GGA3: variants seen among roughly 807,000 people sequenced by gnomAD.
The protein encoded by GGA3 is golgi associated, gamma adaptin ear containing, ARF binding protein 3, also known as ADP-ribosylation factor-binding protein GGA3.
Under a neutral mutation model 77.5 loss-of-function variants are expected in GGA3, and 57 were observed. That is an observed-to-expected ratio of 0.74 (90% CI 0.59 to 0.92). The LOEUF is 0.92. Ranked by LOEUF, GGA3 falls within the 40% of genes least tolerant of loss-of-function variation. The probability of loss-of-function intolerance (pLI) is 0.00; values close to 1 mark genes in which losing one functional copy is unlikely to be tolerated. For missense variants in GGA3, 970 were observed against 914.9 expected, an observed-to-expected ratio of 1.06 and a Z score of -0.78; for synonymous variants, 416 against 383.7, an observed-to-expected ratio of 1.08 and a Z score of -0.98.
At chr17:75,242,527 A>G in intron 7 of GGA3, 54 bp from the exon 8 acceptor site, 1 of 1,605,966 alleles carries the variant, frequency 6.2e-7, no homozygotes, top group Admixed American at 1.7e-5. Flanking sequence ...CTGTCTTTCC[A>G]CTTCCACCAG....
upstream of GGA3, chr17:75,262,151 A>G: frequency 2.5e-6 from 2 of 800,292 alleles, no homozygotes; most frequent in Non-Finnish European, 3.9e-6. Context: ...TTTAGTGACT[A>G]CCTCTCGCCT....
chr17:75,262,306 CTT>C, upstream of GGA3: 1 of 713,562 alleles, frequency 1.4e-6, no homozygotes, highest in South Asian at 1.8e-5. Flanking sequence ...CAGGAGGAGA[CTT>C]TACCCGCCTG....
chr17:75,261,788 T>C (rs548038094), upstream of GGA3: 51 of 1,236,262 alleles, frequency 4.1e-5, no homozygotes, highest in African/African-American at 6.9e-4. Context: ...AACGTCCAGA[T>C]CAGTGGAGAG....
Position 75,240,043 on chromosome 17 carries a change from A to G in GGA3, c.1329T>C (p.Asp443=), listed in dbSNP as rs28641831. 48,001 of 1,551,788 alleles carry G rather than the reference A, an allele frequency of 0.031. 6,934 individuals are homozygous for G. The African/African-American group carries it at 0.4, about 13-fold the overall frequency. The change falls in exon 13 of 17, where the codon GAT becomes GAC. Residue 443 remains aspartate (D), a synonymous_variant. Transcript: ENST00000537686. ...RPGTAACGAS[D]APLLQPSAPS... ...GGGCTGAGGGCTGGAGCAGAGGAGC[A>G]TCGGAGGCGCCACAGGCAGCGGTCC...
intron 3 of GGA3, 29 bp from the exon 4 acceptor site, chr17:75,244,746 G>C: frequency 2.0e-6 from 3 of 1,515,326 alleles, no homozygotes; most frequent in Non-Finnish European, 2.8e-6. Flanking sequence ...GAGGCGCTCA[G>C]TGAGGGCGTG....
intron 1 of GGA3, among the ~76,000 whole-genome samples, chr17:75,255,146 A>G (rs2077099816): frequency 6.6e-6 from 1 of 152,040 alleles, no homozygotes; most frequent in Non-Finnish European, 1.5e-5. Context: ...TTCTTAATCA[A>G]TACGGAGGCT....
Position 75,239,925 on chromosome 17 carries a change from A to C in GGA3, c.1447T>G (p.Leu483Val). The C allele has an allele frequency of 6.2e-7, 1 of 1,607,042 alleles. No individual in the cohort carries two copies. Among genetic ancestry groups the C allele is most frequent in the Non-Finnish European group, 8.5e-7 (1 of 1,176,958 alleles). ...SVPAPSAGSS[L>V]FSTGVAPALA... ...GCTGGGGCCACTCCAGTAGAAAACA[A>C]GGAGGAGCCCGCACTGGGGGCAGGA... The change falls in exon 13 of 17, where the codon TTG (leucine) becomes GTG (valine). Residue 483 changes from leucine to valine, a missense_variant. Leu to Val is a conservative substitution (Grantham distance 32). Transcript: ENST00000537686.
intron 4 of GGA3, 32 bp downstream of exon 4, chr17:75,244,587 C>G: frequency 7.5e-7 from 1 of 1,331,654 alleles, no homozygotes; most frequent in Non-Finnish European, 1.1e-6. Context: ...CAAAAGAAGT[C>G]CCTAAAAGCG....
intron 1 of GGA3, among the ~76,000 whole-genome samples, chr17:75,247,284 T>C (rs1479379823): frequency 6.6e-6 from 1 of 151,290 alleles, no homozygotes; most frequent in Non-Finnish European, 1.5e-5. Flanking sequence ...TTTTTTGACA[T>C]GGAGTCTCGC....
In GGA3 at chr17:75,237,077, A is replaced by ATT; in HGVS notation, c.*1200_*1201dup. On this transcript the variant is annotated 3_prime_UTR_variant, in exon 17 of 17. Transcript: ENST00000537686. ...TCCCCCGTGTCTATGGCAGCTGGTG[A>ATT]TTTTTTTTTTGTGACGGAGGCTTGG... 2.7e-5 allele frequency: 6 copies of ATT among 221,126 alleles called. No homozygotes were observed. The highest frequency in any genetic ancestry group is 1.0e-4 in the East Asian group (1 of 9,862). The allele number at this position is 221,126 out of a possible 1,614,324, so 13.7% of individuals were successfully genotyped here. A position where few individuals can be genotyped will look rare whatever the true frequency, so the allele number is the denominator to read the frequency against.
rs2145464649 is a variant in GGA3, at chr17:75,237,842, T to C, written c.*437A>G. ...GGAATTGCAACAGGGCTGCAGCCCCTTGGGCCGTGCATCTGTCAGGTGTGA... is the reference window on the plus strand; with the variant it reads ...GGAATTGCAACAGGGCTGCAGCCCCCTGGGCCGTGCATCTGTCAGGTGTGA... On this transcript the variant is annotated 3_prime_UTR_variant, in exon 17 of 17. Coordinates refer to ENST00000537686, the MANE Select transcript of GGA3 (RefSeq NM_138619.4). 7.1e-7 allele frequency: 1 copy of C among 1,415,490 alleles called. No homozygotes were observed. Among genetic ancestry groups the C allele is most frequent in the African/African-American group, 1.4e-5 (1 of 69,486 alleles). 87.7% of individuals were successfully genotyped at this position (1,415,490 alleles called of 1,614,324 possible).
rs372653160 is a variant in GGA3, at chr17:75,242,464, G to A, written c.619C>T (p.Arg207Trp). The change falls in exon 8 of 17, where the codon CGG (arginine) becomes TGG (tryptophan). Residue 207 changes from arginine (R) to tryptophan (W), a missense_variant. Physicochemically the swap from Arg to Trp is moderately radical, Grantham distance 101 (BLOSUM62 -3). Coordinates refer to ENST00000537686, the MANE Select transcript of GGA3 (RefSeq NM_138619.4). ...AGACGCTTGGTCACCTTCTGGATCCGTGCCTCGTCCTGCCCCAGTGAAGAA... is the reference window on the plus strand; with the variant it reads ...AGACGCTTGGTCACCTTCTGGATCCATGCCTCGTCCTGCCCCAGTGAAGAA... Reference protein sequence around the residue: ...IKSMVKEDEARIQKVTKRLHT... With the variant: ...IKSMVKEDEAWIQKVTKRLHT... The A allele has an allele frequency of 1.2e-5, 20 of 1,614,008 alleles. No individual in the cohort carries two copies. The highest frequency in any genetic ancestry group is 5.0e-5 in the Admixed American group (3 of 59,998).
Position 75,237,368 on chromosome 17 carries a change from CCA to C in GGA3, c.*909_*910del. ...CCAGCCACAGGTGCCACACCACATG[CCA>C]TCTGGTGAGAGGAGAGGGAGGCCAA... is the stretch of plus-strand genomic sequence containing the variant. On this transcript the variant is annotated 3_prime_UTR_variant, in exon 17 of 17. Transcript: ENST00000537686. The C allele has an allele frequency of 2.2e-6, 2 of 928,678 alleles. No individual in the cohort carries two copies. Among genetic ancestry groups the C allele is most frequent in the South Asian group, 2.8e-5 (2 of 71,214 alleles). The allele number at this position is 928,678 out of a possible 1,614,324, so 57.5% of individuals were successfully genotyped here.
At chr17:75,256,051 C>T (rs199953960) in intron 1 of GGA3, among the ~76,000 whole-genome samples, 17 of 151,904 alleles carry the variant, frequency 1.1e-4, no homozygotes, top group East Asian at 3.9e-4. Context: ...TGATCGTGTC[C>T]GATTAATCTC....
At chr17:75,254,359 C>A (rs975649095) in intron 1 of GGA3, among the ~76,000 whole-genome samples, 4 of 152,166 alleles carry the variant, frequency 2.6e-5, no homozygotes, top group Non-Finnish European at 2.9e-5. Flanking sequence ...GGCCCTCCCC[C>A]ACCTGCCCAG....
upstream of GGA3, chr17:75,261,836 C>T (rs1414648787): frequency 6.5e-7 from 1 of 1,528,902 alleles, no homozygotes; most frequent in Non-Finnish European, 8.9e-7. Flanking sequence ...CTTTTTCACC[C>T]GTTTCCCGTC....
chr17:75,252,765 G>T (rs1026376662), intron 1 of GGA3, among the ~76,000 whole-genome samples: 1 of 152,110 alleles, frequency 6.6e-6, no homozygotes, highest in Non-Finnish European at 1.5e-5. Flanking sequence ...ATTTGTTTCT[G>T]CCCCACCCTA....
rs112050589 is a variant in GGA3 at position 75,257,288 on chromosome 17, C to A, written c.40+4260G>T. 5.8e-4 allele frequency among the ~76,000 whole-genome samples: 78 copies of A among 133,442 alleles called. 1 individual carries two copies. The highest frequency in any genetic ancestry group is 1.3e-3 in the African/African-American group (50 of 38,614). 87.5% of individuals were successfully genotyped at this position (133,442 alleles called of 152,430 possible). On this transcript the variant is annotated intron_variant, in intron 1 of 16. Transcript: ENST00000537686. Reference sequence around the variant, plus strand: ...ACCAACTTAGACTGTGCCCCCCCCCCCAAAAAAAACCTGTCATCATCCCTA... The same window carrying A: ...ACCAACTTAGACTGTGCCCCCCCCCACAAAAAAAACCTGTCATCATCCCTA...
rs368953900 is a variant in GGA3 at position 75,241,668 on chromosome 17, C to G, written c.776G>C (p.Arg259Thr). The G allele has an allele frequency of 3.7e-6, 6 of 1,614,034 alleles. No homozygotes were observed. Among genetic ancestry groups the G allele is most frequent in the Non-Finnish European group, 5.1e-6 (6 of 1,179,998 alleles). The change falls in exon 9 of 17, where the codon AGG becomes ACG. Residue 259 changes from arginine to threonine, a missense_variant. Arg to Thr is a moderately conservative substitution (Grantham distance 71). Coordinates refer to ENST00000537686, the MANE Select transcript of GGA3 (RefSeq NM_138619.4). Reference protein sequence around the residue: ...KELFDQCENKRRTLFKLASET... With the variant: ...KELFDQCENKTRTLFKLASET... ...ACTGGCGAGTTTAAATAAAGTCCGCCTCTTGTTCTCACACTGATCAAACAG... is the reference window on the plus strand; with the variant it reads ...ACTGGCGAGTTTAAATAAAGTCCGCGTCTTGTTCTCACACTGATCAAACAG...
Sources: allele counts gnomAD v4.1 joint callset (sites outside exome capture counted in the v4.1 genomes callset), GRCh38; gene constraint gnomAD v4.1.1; transcripts MANE v1.5; gene names NCBI Gene and HGNC (gene_info 2026-07-23, HGNC 2026-07-21).